The following BHLHE40 variants were observed in gnomAD, a reference collection of about 807,000 sequenced individuals.
BHLHE40 encodes the protein class E basic helix-loop-helix protein 40.
Under a neutral mutation model 35.7 loss-of-function variants are expected in BHLHE40, and 3 were observed. The ratio of observed to expected loss-of-function variants is 0.08; its 90% CI spans 0.04 to 0.22. The LOEUF (loss-of-function observed/expected upper bound fraction) is 0.22. Ranked by LOEUF, BHLHE40 falls within the 10% of genes least tolerant of loss-of-function variation. BHLHE40 has a pLI of 1.00. For synonymous variants in BHLHE40, 236 were observed against 213.0 expected (o/e 1.11, Z -0.94); for missense variants, 486 against 524.0 (o/e 0.93, Z 0.71).
chr3:4,979,762 C>T lies in BHLHE40; in HGVS notation c.44C>T (p.Pro15Leu). 1 of 1,586,642 alleles carries T rather than the reference C, an allele frequency of 6.3e-7. No homozygotes were observed. Among genetic ancestry groups the T allele is most frequent in the South Asian group, 1.1e-5 (1 of 87,568 alleles). ...PSAQPPPACLPKAPGLEHGDL... is the reference protein window; with the variant it reads ...PSAQPPPACLLKAPGLEHGDL... ...GCGCAACCACCCCCCGCCTGCCTGCCCAAAGCACCGGGACTGGAGCACGGA... is the reference window on the plus strand; with the variant it reads ...GCGCAACCACCCCCCGCCTGCCTGCTCAAAGCACCGGGACTGGAGCACGGA... The change falls in exon 1 of 5, where the codon CCC (proline) becomes CTC (leucine). Residue 15 changes from proline to leucine, a missense_variant. By Grantham distance (98) the Pro-to-Leu change is moderately conservative. Transcript: ENST00000256495.
chr3:4,982,815 T>C (rs2053209209), intron 4 of BHLHE40, 21 bp from the exon 5 acceptor site: 25 of 1,613,518 alleles, frequency 1.5e-5, no homozygotes, highest in Admixed American at 5.0e-5. Context: ...AACGTTTTCC[T>C]TCGGATTTTT....
chr3:4,982,796 G>C (rs758068591), intron 4 of BHLHE40, 40 bp from the exon 5 acceptor site: 2 of 1,612,108 alleles, frequency 1.2e-6, no homozygotes, highest in African/African-American at 1.3e-5. Context: ...TGCGCCACAG[G>C]CCTTCTGAAA....
chr3:4,983,293 A>G lies in BHLHE40; in HGVS notation c.840A>G (p.Gln280=), dbSNP rs201910376. 16 of 1,614,220 alleles carry G rather than the reference A, an allele frequency of 9.9e-6. No homozygotes were observed. Among genetic ancestry groups the G allele is most frequent in the Non-Finnish European group, 8.5e-7 (1 of 1,180,032 alleles). ...GAGAAAGGATCGGCGCAATTAAGCA[A>G]GAGTCCGAAGAACCCCCCACAAAAA... ...TMGERIGAIK[Q]ESEEPPTKKN... Residue 280 remains glutamine, a synonymous_variant, in exon 5 of 5, where the codon CAA becomes CAG. Transcript: ENST00000256495. This position sits in a 1 kb window ranked among gnomAD's most constrained non-coding sequence, Gnocchi z 5.0.
In BHLHE40 at chr3:4,982,880, T is replaced by G; in HGVS notation, c.427T>G (p.Cys143Gly). 1 of 1,614,218 alleles carries G rather than the reference T, an allele frequency of 6.2e-7. No individual in the cohort carries two copies. Among genetic ancestry groups the G allele is most frequent in the African/African-American group, 1.3e-5 (1 of 75,052 alleles). ...RNVETGQEMF[C>G]SGFQTCAREV... is the part of the protein sequence containing the mutation. ...TGTCGAAACAGGTCAAGAGATGTTC[T>G]GCTCAGGTTTCCAGACATGTGCCCG... The change falls in exon 5 of 5, where the codon TGC (cysteine) becomes GGC (glycine). Residue 143 changes from cysteine to glycine, a missense_variant. Cys to Gly is a radical substitution (Grantham distance 159). Coordinates refer to ENST00000256495, the MANE Select transcript of BHLHE40 (RefSeq NM_003670.3).
chr3:4,983,719 C>T lies in BHLHE40; in HGVS notation c.*27C>T. The T allele has an allele frequency of 6.4e-7, 1 of 1,552,658 alleles. No individual in the cohort carries two copies. Among genetic ancestry groups the T allele is most frequent in the Non-Finnish European group, 8.7e-7 (1 of 1,153,946 alleles). On this transcript the variant is annotated 3_prime_UTR_variant, in exon 5 of 5. Coordinates refer to ENST00000256495, the MANE Select transcript of BHLHE40 (RefSeq NM_003670.3). This position sits in a 1 kb window ranked among gnomAD's most constrained non-coding sequence, Gnocchi z 5.0. Reference sequence around the variant, plus strand: ...CTCTCTAGGGGATCCTGCTGCTTTGCTTTCCTTCCTCGCTACTTCCTAAAA... The same window carrying T: ...CTCTCTAGGGGATCCTGCTGCTTTGTTTTCCTTCCTCGCTACTTCCTAAAA...
rs753858983 is a variant in BHLHE40 at position 4,983,007 on chromosome 3, G to A, written c.554G>A (p.Gly185Asp). The A allele has an allele frequency of 1.2e-6, 2 of 1,613,728 alleles. No homozygotes were observed. The highest frequency in any genetic ancestry group is 2.2e-5 in the East Asian group (1 of 44,888). ...LHRVVSELLQ[G>D]GTSRKPSDPA... ...CGGGTGGTCTCGGAGCTGCTGCAGG[G>A]TGGTACCTCCAGGAAGCCATCAGAC... The change falls in exon 5 of 5, where the codon GGT (glycine) becomes GAT (aspartate). Residue 185 changes from glycine (G) to aspartate (D), a missense_variant. Gly to Asp is a moderately conservative substitution (Grantham distance 94, BLOSUM62 -1). This residue lies in a region of BHLHE40 where 176 missense variants were observed against 180.5 expected (regional missense o/e 0.98). Transcript: ENST00000256495. This position sits in a 1 kb window ranked among gnomAD's most constrained non-coding sequence, Gnocchi z 5.0.
At chr3:4,982,690 C>A (rs2053208070) in intron 4 of BHLHE40, 146 bp from the exon 5 acceptor site, 1 of 912,302 alleles carries the variant, frequency 1.1e-6, no homozygotes, top group Non-Finnish European at 1.7e-6. Flanking sequence ...CTTCTCTGAG[C>A]ATACTACTTT....
intron 4 of BHLHE40, among the ~76,000 whole-genome samples, chr3:4,982,047 G>A (rs1048282758): frequency 6.6e-6 from 1 of 152,160 alleles, no homozygotes; most frequent in Non-Finnish European, 1.5e-5. Context: ...TTCATCATTC[G>A]TTTCTACTGA....
At position 4,983,845 on chromosome 3, in the gene BHLHE40, T is replaced by TGTGTGTGTGTGTGTGTATGTGCGTGTGC. The variant is rs2053223626; in HGVS notation, c.*163_*164insGTGTGTATGTGCGTGTGCGTGTGTGTGT. 9.7e-7 allele frequency: 1 copy of TGTGTGTGTGTGTGTGTATGTGCGTGTGC among 1,029,180 alleles called. No individual in the cohort carries two copies. The highest frequency in any genetic ancestry group is 1.6e-5 in the African/African-American group (1 of 61,402). The allele number at this position is 1,029,180 out of a possible 1,614,324, so 63.8% of individuals were successfully genotyped here. A position where few individuals can be genotyped will look rare whatever the true frequency, so the allele number is the denominator to read the frequency against. On this transcript the variant is annotated 3_prime_UTR_variant, in exon 5 of 5. Coordinates refer to ENST00000256495, the MANE Select transcript of BHLHE40 (RefSeq NM_003670.3). This position sits in a 1 kb window ranked among gnomAD's most constrained non-coding sequence, Gnocchi z 5.0. The stretch of plus-strand genomic sequence containing the variant: ...CAGATTCAGGGTGTGTGTGTGTGTG[T>TGTGTGTGTGTGTGTGTATGTGCGTGTGC]GTGTGTGTGTATGTGCGTGTGCGTG...
chr3:4,981,696 C>A, intron 4 of BHLHE40, 181 bp downstream of exon 4: 1 of 741,896 alleles, frequency 1.3e-6, no homozygotes, highest in Non-Finnish European at 2.1e-6. Context: ...CATTGTGCCA[C>A]CTGGCATGAA....
rs1293515237 is a variant in BHLHE40 at position 4,982,842 on chromosome 3, T to G, written c.389T>G (p.Leu130Arg). Residue 130 changes from leucine (L) to arginine (R), a missense_variant, in exon 5 of 5, where the codon CTG becomes CGG. Physicochemically the swap from Leu to Arg is moderately radical, Grantham distance 102. Transcript: ENST00000256495. ...ALQSGLQAGE[L>R]SGRNVETGQE... ...CGGATTTTTCTTTCCCCAGGTGAGC[T>G]GTCAGGGAGAAATGTCGAAACAGGT... 1 of 1,614,046 alleles carries G rather than the reference T, an allele frequency of 6.2e-7. No individual in the cohort carries two copies. The highest frequency in any genetic ancestry group is 1.1e-5 in the South Asian group (1 of 91,080).
chr3:4,982,851 G>A lies in BHLHE40; in HGVS notation c.398G>A (p.Arg133Lys). The change falls in exon 5 of 5, where the codon AGA becomes AAA. Residue 133 changes from arginine (R) to lysine (K), a missense_variant. By Grantham distance (26) the Arg-to-Lys change is conservative. Around this residue, in one of 5 missense-constraint regions of BHLHE40, gnomAD observed 176 missense variants for 180.5 expected, o/e 0.98. Transcript: ENST00000256495. Reference sequence around the variant, plus strand: ...CTTTCCCCAGGTGAGCTGTCAGGGAGAAATGTCGAAACAGGTCAAGAGATG... The same window carrying A: ...CTTTCCCCAGGTGAGCTGTCAGGGAAAAATGTCGAAACAGGTCAAGAGATG... ...SGLQAGELSGRNVETGQEMFC... is the reference protein window; with the variant it reads ...SGLQAGELSGKNVETGQEMFC... 6.2e-7 allele frequency: 1 copy of A among 1,614,082 alleles called. No homozygotes were observed. Among genetic ancestry groups the A allele is most frequent in the East Asian group, 2.2e-5 (1 of 44,888 alleles).
At chr3:4,980,528 G>GT in intron 3 of BHLHE40, 120 bp downstream of exon 3, 1 of 804,422 alleles carries the variant, frequency 1.2e-6, no homozygotes, top group Non-Finnish European at 2.0e-6. Context: ...GAGCTGGCGG[G>GT]TGGCTCTGCG....
intron 4 of BHLHE40, among the ~76,000 whole-genome samples, chr3:4,981,923 G>C (rs1445661148): frequency 6.6e-6 from 1 of 152,334 alleles, no homozygotes; most frequent in South Asian, 2.1e-4. Flanking sequence ...GTCACTTGGT[G>C]TGTGGTGTGA....
intron 3 of BHLHE40, 150 bp from the exon 4 acceptor site, chr3:4,981,240 CTT>C: frequency 2.9e-6 from 2 of 698,784 alleles, no homozygotes; most frequent in South Asian, 1.8e-5. Context: ...ATCTGTCTAT[CTT>C]TTTAAAAGCA....
In BHLHE40 at chr3:4,980,043, C is replaced by A; in HGVS notation, c.150+12C>A. 1 of 1,613,696 alleles carries A rather than the reference C, an allele frequency of 6.2e-7. No homozygotes were observed. The highest frequency in any genetic ancestry group is 8.5e-7 in the Non-Finnish European group (1 of 1,179,604). On this transcript the variant is annotated intron_variant, in intron 2 of 4. Transcript: ENST00000256495. ...GCGAGGACAGCAAGGTAAGCAAGTGCACCCCTAGGGACCCTGCGCTCAGCC... is the reference window on the plus strand; with the variant it reads ...GCGAGGACAGCAAGGTAAGCAAGTGAACCCCTAGGGACCCTGCGCTCAGCC...
At position 4,984,707 on chromosome 3, in the gene BHLHE40, TG is replaced by T. The variant is rs2053232490; in HGVS notation, c.*1017del. On this transcript the variant is annotated 3_prime_UTR_variant, in exon 5 of 5. Transcript: ENST00000256495. ...CTAATTCCTCTTGCCCAACGGCATA[TG>T]GAGTGTCCTTATTGCTAAAAAGGAT... The T allele has an allele frequency of 6.5e-6, 1 of 152,698 alleles. No individual in the cohort carries two copies. The highest frequency in any genetic ancestry group is 2.4e-5 in the African/African-American group (1 of 41,482). The allele number at this position is 152,698 out of a possible 1,614,324, so 9.5% of individuals were successfully genotyped here.
At chr3:4,981,825 G>A (rs190784510) in intron 4 of BHLHE40, among the ~76,000 whole-genome samples, 1 of 152,226 alleles carries the variant, frequency 6.6e-6, no homozygotes. Flanking sequence ...TGCATTGTGG[G>A]TGTTTTACAG....
At position 4,980,327 on chromosome 3, in the gene BHLHE40, C is replaced by G; in HGVS notation, c.177C>G (p.Leu59=). 6.2e-7 allele frequency: 1 copy of G among 1,614,138 alleles called. No individual in the cohort carries two copies. The highest frequency in any genetic ancestry group is 8.5e-7 in the Non-Finnish European group (1 of 1,180,008). The change falls in exon 3 of 5, where the codon CTC becomes CTG. Residue 59 remains leucine, a synonymous_variant. Transcript: ENST00000256495. ...SKETYKLPHR[L]IEKKRRDRIN... is the part of the protein sequence containing the mutation. Reference sequence around the variant, plus strand: ...AGACCTACAAATTGCCGCACCGGCTCATCGAGAAAAAGAGACGTGACCGGA... The same window carrying G: ...AGACCTACAAATTGCCGCACCGGCTGATCGAGAAAAAGAGACGTGACCGGA...
Sources: gnomAD v4.1 joint callset for allele counts (sites outside exome capture counted in the v4.1 genomes callset) on GRCh38, gnomAD v4.1.1 for gene constraint, gnomAD v4.1.1 regional missense constraint, Gnocchi (gnomAD v3.1) non-coding constraint, MANE v1.5 for transcripts, NCBI Gene and HGNC (gene_info 2026-07-23, HGNC 2026-07-21) for gene names.